MEF2C: variants seen among roughly 807,000 people sequenced by gnomAD.
MEF2C encodes myocyte-specific enhancer factor 2C.
Under a neutral mutation model 50.5 loss-of-function variants are expected in MEF2C, and 6 were observed. The ratio of observed to expected loss-of-function variants is 0.12; its 90% confidence interval spans 0.07 to 0.23. The LOEUF is 0.23. Ranked by LOEUF, MEF2C falls within the 10% of genes least tolerant of loss-of-function variation. The pLI, the probability that MEF2C is intolerant of heterozygous loss-of-function variation, is 1.00. For synonymous variants in MEF2C, 183 were observed against 228.0 expected (o/e 0.80, Z 1.78); for missense variants, 276 against 605.0 (o/e 0.46, Z 5.70).
intron 6 of MEF2C, chr5:88,733,769 A>G (rs1762660821): frequency 1.0e-6 from 1 of 985,282 alleles, no homozygotes; most frequent in Non-Finnish European, 1.2e-6. Context: ...AAATTATCCC[A>G]GTTCCTGGGG....
chr5:88,744,151 C>A, intron 6 of MEF2C: 1 of 984,986 alleles, frequency 1.0e-6, no homozygotes, highest in African/African-American at 1.7e-5. Flanking sequence ...AGTGAATAAT[C>A]CAACACAAGG....
At chr5:88,785,566 C>A (rs1468219964) in intron 3 of MEF2C, 1 of 152,106 alleles carries the variant, frequency 6.6e-6, no homozygotes, top group African/African-American at 2.4e-5. Context: ...TCTTAAGGTA[C>A]AATGAGTCAC....
intron 1 of MEF2C, among the ~76,000 whole-genome samples, chr5:88,881,971 G>C (rs867811340): frequency 6.6e-6 from 1 of 152,054 alleles, no homozygotes; most frequent in African/African-American, 2.4e-5. Context: ...TTATACAAAA[G>C]ACACGCATTC....
chr5:88,869,511 A>C (rs955797074), intron 1 of MEF2C, among the ~76,000 whole-genome samples: 1 of 151,392 alleles, frequency 6.6e-6, no homozygotes, highest in Non-Finnish European at 1.5e-5. Context: ...ATTCTGGGAG[A>C]TATTTAAATA....
At chr5:88,856,725 G>A (rs1469519844) in intron 1 of MEF2C, among the ~76,000 whole-genome samples, 1 of 152,262 alleles carries the variant, frequency 6.6e-6, no homozygotes, top group Non-Finnish European at 1.5e-5. Flanking sequence ...CTTACACGTG[G>A]TGTTGGGCCT....
At chr5:88,737,679 A>G (rs1318015545) in intron 6 of MEF2C, 1 of 985,252 alleles carries the variant, frequency 1.0e-6, no homozygotes, top group Admixed American at 6.2e-5. Context: ...CTTTGCGGAG[A>G]GAAGGAATGC....
At chr5:88,777,363 T>C (rs969021708) in intron 3 of MEF2C, among the ~76,000 whole-genome samples, 1 of 152,204 alleles carries the variant, frequency 6.6e-6, no homozygotes, top group African/African-American at 2.4e-5. Flanking sequence ...ATGGGTCTTT[T>C]TTTAATCCTC....
intron 3 of MEF2C, among the ~76,000 whole-genome samples, chr5:88,765,578 T>C (rs896992702): frequency 2.0e-5 from 3 of 152,238 alleles, no homozygotes; most frequent in African/African-American, 7.2e-5. Context: ...AATGGATAAA[T>C]AAGCATTATT....
intron 1 of MEF2C, among the ~76,000 whole-genome samples, chr5:88,858,902 A>C (rs573414023): frequency 1.3e-5 from 2 of 152,334 alleles, no homozygotes; most frequent in South Asian, 4.1e-4. Flanking sequence ...CCAGGAAGGT[A>C]GTAGTGAGAC....
intron 1 of MEF2C, among the ~76,000 whole-genome samples, chr5:88,852,049 G>A (rs1214030479): frequency 6.6e-6 from 1 of 152,038 alleles, no homozygotes; most frequent in African/African-American, 2.4e-5. Context: ...AATTGTACTT[G>A]GCAGTCATAT....
intron 1 of MEF2C, among the ~76,000 whole-genome samples, chr5:88,873,973 T>A (rs1482557505): frequency 2.0e-5 from 3 of 151,900 alleles, no homozygotes; most frequent in Non-Finnish European, 4.4e-5. Flanking sequence ...ATATTAATGT[T>A]AACTGTAATA....
At chr5:88,792,622 G>C (rs770189) in intron 3 of MEF2C, among the ~76,000 whole-genome samples, 88,792 of 152,038 alleles carry the variant, frequency 0.58, 27,634 homozygotes, top group Non-Finnish European at 0.71. Context: ...GCATTCTGTT[G>C]TATATCTTCC....
intron 2 of MEF2C, among the ~76,000 whole-genome samples, chr5:88,805,661 G>C (rs1800067436): frequency 2.6e-5 from 4 of 151,778 alleles, no homozygotes; most frequent in Non-Finnish European, 5.9e-5. Context: ...TCTTTTTCCT[G>C]ATGAGCTGCC....
intron 1 of MEF2C, among the ~76,000 whole-genome samples, chr5:88,852,905 ACT>A (rs1821908096): frequency 6.7e-6 from 1 of 150,028 alleles, no homozygotes; most frequent in Non-Finnish European, 1.5e-5. Flanking sequence ...ACAGGGCAAG[ACT>A]CTGTCTCAAA....
rs187827480 is a variant in MEF2C at position 88,799,842 on chromosome 5, C to T, written c.258+4756G>A. On this transcript the variant is annotated intron_variant, in intron 3 of 10. Coordinates refer to ENST00000504921, the MANE Select transcript of MEF2C (RefSeq NM_002397.5). ...CATCTTCTCTCCATCTCCCTATGTC[C>T]CTTTCCTTCTCTCTCTCTCTCTCTC... Among the ~76,000 whole-genome samples, 226 of 145,936 alleles carry T rather than the reference C, an allele frequency of 1.5e-3. 1 individual carries two copies. Among genetic ancestry groups the T allele is most frequent in the Admixed American group, 3.5e-3 (50 of 14,236 alleles).
At chr5:88,790,580 C>A (rs375278257) in intron 3 of MEF2C, among the ~76,000 whole-genome samples, 1 of 152,176 alleles carries the variant, frequency 6.6e-6, no homozygotes, top group South Asian at 2.1e-4. Flanking sequence ...TCCACCAGCA[C>A]CACAAGCAAT....
chr5:88,878,722 AT>A (rs1831895148), intron 1 of MEF2C, among the ~76,000 whole-genome samples: 1 of 151,948 alleles, frequency 6.6e-6, no homozygotes, highest in Admixed American at 6.6e-5. Context: ...TTACAAAGAA[AT>A]TTTCAAGTGT....
intron 1 of MEF2C, 61 bp from the exon 2 acceptor site, chr5:88,823,991 C>T: frequency 7.7e-7 from 1 of 1,300,954 alleles, no homozygotes. Context: ...TAAGAACTAT[C>T]ATATTCTAAT....
At chr5:88,765,894 A>C (rs1779834486) in intron 3 of MEF2C, among the ~76,000 whole-genome samples, 1 of 152,206 alleles carries the variant, frequency 6.6e-6, no homozygotes. Flanking sequence ...TGTATACTGA[A>C]GTCAGCTTTC....
Sources: gnomAD v4.1 joint callset for allele counts (sites outside exome capture counted in the v4.1 genomes callset) on GRCh38, gnomAD v4.1.1 for gene constraint, MANE v1.5 for transcripts, NCBI Gene and HGNC (gene_info 2026-07-23, HGNC 2026-07-21) for gene names.